Variants in FAM53B observed in about 807,000 individuals in gnomAD.
The protein encoded by FAM53B is family with sequence similarity 53 member B, also known as protein FAM53B.
In FAM53B, 12 loss-of-function variants were observed where a neutral mutation model predicts 32.7. The observed-to-expected ratio is 0.37, with a 90% CI of 0.24 to 0.59. The LOEUF is 0.59. FAM53B is among the 20% of genes least tolerant of loss of function. The pLI, the probability that FAM53B is intolerant of heterozygous loss-of-function variation, is 0.72. For missense variants in FAM53B, 477 were observed against 577.7 expected (o/e 0.83, Z 1.79); for synonymous variants, 234 against 228.7 (o/e 1.02, Z -0.21).
Position 124,682,491 on chromosome 10 carries a change from G to C in FAM53B, c.134-112C>G. On this transcript the variant is annotated intron_variant, in intron 3 of 4. Coordinates refer to ENST00000337318, the MANE Select transcript of FAM53B (RefSeq NM_014661.4). The surrounding 1 kb of genome is among the most constrained non-coding windows in gnomAD (Gnocchi z 5.2). ...AAACACAGTATCTTAGAGCCAAAAG[G>C]CCCTTAGAAACCATCCAGTCCAACC... 1.1e-6 allele frequency: 1 copy of C among 950,468 alleles called. No homozygotes were observed. Among genetic ancestry groups the C allele is most frequent in the Non-Finnish European group, 1.5e-6 (1 of 652,728 alleles). 58.9% of individuals were successfully genotyped at this position (950,468 alleles called of 1,614,324 possible).
intron 1 of FAM53B, among the ~76,000 whole-genome samples, chr10:124,720,276 C>T (rs1950061512): frequency 6.6e-6 from 1 of 150,714 alleles, no homozygotes; most frequent in Non-Finnish European, 1.5e-5. Context: ...ATAATACCAG[C>T]CTAGGCAATA....
intron 1 of FAM53B, among the ~76,000 whole-genome samples, chr10:124,735,364 TG>T (rs1314485792): frequency 1.3e-5 from 2 of 152,194 alleles, no homozygotes; most frequent in Non-Finnish European, 1.5e-5. Context: ...AAATCACTTT[TG>T]GTAAAAAAAG....
At chr10:124,657,060 G>GTATA (rs58992450) in intron 4 of FAM53B, among the ~76,000 whole-genome samples, 1 of 77,416 alleles carries the variant, frequency 1.3e-5, no homozygotes, top group Non-Finnish European at 3.1e-5. Flanking sequence ...ATGTATATAT[G>GTATA]TATATATATA....
chr10:124,706,790 A>ACCTC lies in FAM53B; in HGVS notation c.-81_-78dup. 2 of 1,606,284 alleles carry ACCTC rather than the reference A, an allele frequency of 1.2e-6. No individual in the cohort carries two copies. Among genetic ancestry groups the ACCTC allele is most frequent in the Non-Finnish European group, 8.5e-7 (1 of 1,176,056 alleles). ...TCACTTGGGCAGACTTGGGGTGAGT[A>ACCTC]CCTCCTGGGGAATTGATGTCAGCAG... On this transcript the variant is annotated 5_prime_UTR_variant, in exon 2 of 5. Coordinates refer to ENST00000337318, the MANE Select transcript of FAM53B (RefSeq NM_014661.4).
chr10:124,705,636 C>T (rs1281245799), intron 2 of FAM53B: 4 of 152,352 alleles, frequency 2.6e-5, no homozygotes, highest in Non-Finnish European at 4.4e-5. Context: ...GGCCTGGCTC[C>T]AGCTCATCCT....
chr10:124,667,533 G>T, intron 4 of FAM53B: 1 of 696,546 alleles, frequency 1.4e-6, no homozygotes. Context: ...GTGGTCAGAG[G>T]CTGCCCTCTG....
At chr10:124,636,228 G>T (rs1408027140) in intron 4 of FAM53B, among the ~76,000 whole-genome samples, 1 of 152,106 alleles carries the variant, frequency 6.6e-6, no homozygotes, top group African/African-American at 2.4e-5. Context: ...ATCTCTCGAT[G>T]TTTCTCTACC....
rs149802215 is a variant in FAM53B, at chr10:124,693,190, C to T, written c.133+2968G>A. Among the ~76,000 whole-genome samples, 393 of 152,074 alleles carry T rather than the reference C, an allele frequency of 2.6e-3. 3 individuals are homozygous for T. Among genetic ancestry groups the T allele is most frequent in the African/African-American group, 9.1e-3 (377 of 41,480 alleles). On this transcript the variant is annotated intron_variant, in intron 3 of 4. Transcript: ENST00000337318. ...CTTCCCCACTGTTGAAAAGCAGGCA[C>T]GCCGGGCGCGGTGGCTCACGCCTGT... is the stretch of plus-strand genomic sequence containing the variant.
intron 1 of FAM53B, among the ~76,000 whole-genome samples, chr10:124,736,700 G>A (rs1950175910): frequency 6.6e-6 from 1 of 152,248 alleles, no homozygotes; most frequent in South Asian, 2.1e-4. Context: ...CGGGGTGGGG[G>A]CAGGCAGCAG....
chr10:124,699,091 G>A (rs560988283), intron 2 of FAM53B, among the ~76,000 whole-genome samples: 3 of 152,324 alleles, frequency 2.0e-5, no homozygotes, highest in Admixed American at 6.5e-5. Context: ...TGGCTAAAGC[G>A]GTGCCTCCCA....
At chr10:124,683,708 C>T (rs111444599) in intron 3 of FAM53B, among the ~76,000 whole-genome samples, 3 of 148,184 alleles carry the variant, frequency 2.0e-5, no homozygotes, top group African/African-American at 7.3e-5. Flanking sequence ...TTTCACTACA[C>T]TGCAGCGCTG....
At chr10:124,703,247 AC>A (rs1387468500) in intron 2 of FAM53B, among the ~76,000 whole-genome samples, 1 of 152,032 alleles carries the variant, frequency 6.6e-6, no homozygotes, top group Non-Finnish European at 1.5e-5. Context: ...ACGGGGCTTC[AC>A]CATATTAGCC....
chr10:124,710,523 C>G (rs181631000), intron 1 of FAM53B, among the ~76,000 whole-genome samples: 1 of 152,152 alleles, frequency 6.6e-6, no homozygotes, highest in Non-Finnish European at 1.5e-5. Context: ...AGGACCAGGC[C>G]GGAGACTTCG....
chr10:124,641,604 G>C (rs563833544), intron 4 of FAM53B, among the ~76,000 whole-genome samples: 7 of 152,190 alleles, frequency 4.6e-5, no homozygotes, highest in Non-Finnish European at 8.8e-5. Flanking sequence ...AGAGTCACGG[G>C]GAACTCAGAG....
At chr10:124,661,160 C>T (rs1245060746) in intron 4 of FAM53B, among the ~76,000 whole-genome samples, 3 of 151,562 alleles carry the variant, frequency 2.0e-5, no homozygotes, top group Non-Finnish European at 4.4e-5. Flanking sequence ...TCCTGGAAGA[C>T]ATGGCCATAA....
intron 4 of FAM53B, among the ~76,000 whole-genome samples, chr10:124,656,184 C>A (rs1009337627): frequency 6.6e-6 from 1 of 152,260 alleles, no homozygotes; most frequent in African/African-American, 2.4e-5. Flanking sequence ...TGGAACAGGG[C>A]AAGGCCCAAG....
At chr10:124,667,345 T>C in intron 4 of FAM53B, 1 of 732,480 alleles carries the variant, frequency 1.4e-6, no homozygotes, top group Non-Finnish European at 2.5e-6. Context: ...GAGTTCTGGT[T>C]TCACTGGACT....
At chr10:124,709,182 T>C (rs1353877068) in intron 1 of FAM53B, among the ~76,000 whole-genome samples, 3 of 152,210 alleles carry the variant, frequency 2.0e-5, no homozygotes, top group African/African-American at 7.2e-5. Flanking sequence ...GGAAACAAGC[T>C]AAATTCCATT....
intron 2 of FAM53B, among the ~76,000 whole-genome samples, chr10:124,703,017 G>A (rs1183246105): frequency 1.3e-5 from 2 of 152,146 alleles, no homozygotes; most frequent in African/African-American, 2.4e-5. Context: ...AGCTTCGTGA[G>A]GCCTTACTAG....
Sources: allele counts gnomAD v4.1 joint callset (sites outside exome capture counted in the v4.1 genomes callset), GRCh38; gene constraint gnomAD v4.1.1; non-coding constraint Gnocchi (gnomAD v3.1); transcripts MANE v1.5; gene names NCBI Gene and HGNC (gene_info 2026-07-23, HGNC 2026-07-21).